Variants in ROR1 observed in about 807,000 individuals in gnomAD.
ROR1 encodes the protein ROR family WNT receptor 1.
Under a neutral mutation model 78.8 loss-of-function variants are expected in ROR1, and 19 were observed. That is an observed-to-expected ratio of 0.24 (90% confidence interval 0.17 to 0.35). The LOEUF (loss-of-function observed/expected upper bound fraction) is 0.35, where lower values mean the gene tolerates loss of function less well. Ranked by LOEUF, ROR1 falls within the 10% of genes least tolerant of loss-of-function variation. ROR1 has a pLI of 1.00. For missense variants in ROR1, 917 were observed against 1,177.8 expected, an observed-to-expected ratio of 0.78 and a Z score of 3.24; for synonymous variants, 386 against 433.6, an observed-to-expected ratio of 0.89 and a Z score of 1.36.
chr1:64,062,036 G>A (rs1646920908), intron 4 of ROR1, among the ~76,000 whole-genome samples: 1 of 152,126 alleles, frequency 6.6e-6, no homozygotes, highest in South Asian at 2.1e-4. Context: ...ACTCTCACCT[G>A]GAAACTCTCC....
chr1:63,986,284 A>G (rs1646251270), intron 1 of ROR1, among the ~76,000 whole-genome samples: 1 of 152,200 alleles, frequency 6.6e-6, no homozygotes, highest in Non-Finnish European at 1.5e-5. Context: ...TTGTTCCTAT[A>G]GTCAATAAAC....
At position 64,172,000 on chromosome 1, in the gene ROR1, A is replaced by G. The variant is rs370989677; in HGVS notation, c.1387-5428A>G. On this transcript the variant is annotated intron_variant, in intron 8 of 8. Transcript: ENST00000371079. ...TTTCAAATGTATTGTCACCTAAGGT[A>G]TAACTTCCCAAAGATGGAAAGAGAT... Among the ~76,000 whole-genome samples, 10 of 152,330 alleles carry G rather than the reference A, an allele frequency of 6.6e-5. No homozygotes were observed. The South Asian group carries it at 1.7e-3, about 25-fold the overall frequency.
intron 4 of ROR1, among the ~76,000 whole-genome samples, chr1:64,130,286 C>T (rs1212969631): frequency 3.9e-5 from 6 of 152,150 alleles, no homozygotes; most frequent in Admixed American, 3.9e-4. Context: ...CCTTGATTGG[C>T]TCCCTTTCAA....
At chr1:64,176,468 A>G (rs1487034373) in intron 8 of ROR1, among the ~76,000 whole-genome samples, 1 of 144,576 alleles carries the variant, frequency 6.9e-6, no homozygotes, top group Non-Finnish European at 1.5e-5. Context: ...AATTATTATC[A>G]TCCCATTTTA....
At chr1:63,827,106 TTCATGGCCTTTG>T (rs1430163160) in intron 1 of ROR1, among the ~76,000 whole-genome samples, 2 of 152,174 alleles carry the variant, frequency 1.3e-5, no homozygotes, top group African/African-American at 4.8e-5. Context: ...GAAGTGTCTG[TTCATGGCCTTTG>T]TCCACTTTTT....
chr1:63,985,138 G>A (rs1432095389), intron 1 of ROR1, among the ~76,000 whole-genome samples: 2 of 152,112 alleles, frequency 1.3e-5, no homozygotes, highest in Non-Finnish European at 2.9e-5. Context: ...CTCCTGAGTA[G>A]TTCCCAGTTT....
At chr1:64,135,129 G>A (rs1649060273) in intron 4 of ROR1, among the ~76,000 whole-genome samples, 2 of 152,120 alleles carry the variant, frequency 1.3e-5, no homozygotes, top group South Asian at 4.1e-4. Context: ...TCTCCCAGGA[G>A]ACTGAACAGG....
intron 1 of ROR1, among the ~76,000 whole-genome samples, chr1:63,898,786 G>A (rs566721767): frequency 5.3e-5 from 8 of 152,154 alleles, no homozygotes; most frequent in African/African-American, 1.9e-4. Context: ...TGCAGAGGGA[G>A]TTTTTCCCCC....
intron 1 of ROR1, among the ~76,000 whole-genome samples, chr1:63,987,447 A>G (rs1646261792): frequency 6.6e-6 from 1 of 152,208 alleles, no homozygotes; most frequent in Non-Finnish European, 1.5e-5. Flanking sequence ...CTGTCAGCTT[A>G]TCTTCACTGT....
chr1:63,776,987 T>C (rs944400005), intron 1 of ROR1, among the ~76,000 whole-genome samples: 1 of 152,238 alleles, frequency 6.6e-6, no homozygotes, highest in Non-Finnish European at 1.5e-5. Flanking sequence ...ATATGTTTCA[T>C]GTATTTATTT....
intron 2 of ROR1, among the ~76,000 whole-genome samples, chr1:64,020,281 C>T (rs74942083): frequency 0.059 from 9,009 of 152,214 alleles, 354 homozygotes; most frequent in Non-Finnish European, 0.092. Flanking sequence ...GAATTCAAAC[C>T]CATGTTCTTA....
intron 4 of ROR1, among the ~76,000 whole-genome samples, chr1:64,125,385 G>A (rs886912860): frequency 6.6e-6 from 1 of 152,142 alleles, no homozygotes; most frequent in African/African-American, 2.4e-5. Flanking sequence ...GAAAACGTAT[G>A]TCACCTCTCA....
At chr1:63,977,029 T>C (rs1477559242) in intron 1 of ROR1, among the ~76,000 whole-genome samples, 4 of 152,156 alleles carry the variant, frequency 2.6e-5, no homozygotes, top group Non-Finnish European at 5.9e-5. Flanking sequence ...AACATGTTCT[T>C]CTTCACATAA....
At chr1:64,137,322 G>C (rs765740644) in intron 4 of ROR1, 47 bp from the exon 5 acceptor site, 4 of 1,609,680 alleles carry the variant, frequency 2.5e-6, no homozygotes, top group Non-Finnish European at 3.4e-6. Flanking sequence ...GCTGTGCCCT[G>C]TATGTATGTG....
At chr1:63,854,791 A>G (rs1301187447) in intron 1 of ROR1, among the ~76,000 whole-genome samples, 1 of 152,226 alleles carries the variant, frequency 6.6e-6, no homozygotes, top group Non-Finnish European at 1.5e-5. Flanking sequence ...TCTGTGGCAC[A>G]TTCGTTCCAG....
rs1438313137 is a variant in ROR1, at chr1:63,925,463, G to A, written c.92-83842G>A. 2.0e-4 allele frequency among the ~76,000 whole-genome samples: 31 copies of A among 152,024 alleles called. No individual in the cohort carries two copies. In the South Asian group the frequency reaches 2.7e-3, roughly 13 times the overall value. On this transcript the variant is annotated intron_variant, in intron 1 of 8. Transcript: ENST00000371079. Reference sequence around the variant, plus strand: ...AGTTTTTGCTATCGTGAATAATGCCGCAATAAACATACGTGTGCATGTGTC... The same window carrying A: ...AGTTTTTGCTATCGTGAATAATGCCACAATAAACATACGTGTGCATGTGTC...
At position 64,180,593 on chromosome 1, in the gene ROR1, A is replaced by AT. The variant is rs751333103; in HGVS notation, c.*1743dup. 6.6e-6 allele frequency: 1 copy of AT among 152,208 alleles called. No individual in the cohort carries two copies. The highest frequency in any genetic ancestry group is 1.5e-5 in the Non-Finnish European group (1 of 68,026). The allele number at this position is 152,208 out of a possible 1,614,324, so 9.4% of individuals were successfully genotyped here. On this transcript the variant is annotated 3_prime_UTR_variant, in exon 9 of 9. Coordinates refer to ENST00000371079, the MANE Select transcript of ROR1 (RefSeq NM_005012.4). ...ATTTCTGGGAGATAAATTAAAACATATTTTTGTGGCATAAATAAGCTGATT... is the reference window on the plus strand; with the variant it reads ...ATTTCTGGGAGATAAATTAAAACATATTTTTTGTGGCATAAATAAGCTGATT...
intron 4 of ROR1, among the ~76,000 whole-genome samples, chr1:64,054,673 C>T (rs1646859770): frequency 2.0e-5 from 3 of 152,112 alleles, no homozygotes; most frequent in Non-Finnish European, 4.4e-5. Flanking sequence ...CAGTATCATA[C>T]TTCATACATT....
chr1:63,890,957 T>G (rs901817889), intron 1 of ROR1, among the ~76,000 whole-genome samples: 21 of 152,186 alleles, frequency 1.4e-4, no homozygotes, highest in Admixed American at 3.3e-4. Flanking sequence ...GCTCAAAACT[T>G]ATTCTCAATG....
Sources: allele counts gnomAD v4.1 joint callset (sites outside exome capture counted in the v4.1 genomes callset), GRCh38; gene constraint gnomAD v4.1.1; transcripts MANE v1.5; gene names NCBI Gene and HGNC (gene_info 2026-07-23, HGNC 2026-07-21).